The following CTNNA3 variants were observed in gnomAD, a reference collection of about 807,000 sequenced individuals.
CTNNA3 encodes catenin alpha 3.
Under a neutral mutation model 95.7 loss-of-function variants are expected in CTNNA3, and 76 were observed. That is an observed-to-expected ratio of 0.79 (90% CI 0.66 to 0.96). The LOEUF is 0.96. Ranked by LOEUF, CTNNA3 falls within the 40% of genes least tolerant of loss-of-function variation. The probability of loss-of-function intolerance (pLI) is 0.00; values close to 1 mark genes in which losing one functional copy is unlikely to be tolerated. For missense variants in CTNNA3, 1,191 were observed against 1,089.8 expected, an observed-to-expected ratio of 1.09 and a Z score of -1.31; for synonymous variants, 431 against 374.4, an observed-to-expected ratio of 1.15 and a Z score of -1.74.
intron 11 of CTNNA3, among the ~76,000 whole-genome samples, chr10:66,495,449 A>G (rs1033455758): frequency 4.0e-5 from 6 of 151,670 alleles, no homozygotes; most frequent in African/African-American, 4.9e-5. Context: ...TGGCTAAGGG[A>G]AAAAAAAATT....
At chr10:66,067,627 A>G (rs1282050912) in intron 15 of CTNNA3, among the ~76,000 whole-genome samples, 1 of 151,942 alleles carries the variant, frequency 6.6e-6, no homozygotes, top group Non-Finnish European at 1.5e-5. Context: ...CCTTTATTCA[A>G]AAAAGTTTGG....
intron 10 of CTNNA3, among the ~76,000 whole-genome samples, chr10:66,595,334 A>T (rs916917740): frequency 8.3e-4 from 29 of 34,870 alleles, no homozygotes; most frequent in African/African-American, 5.5e-3. Flanking sequence ...GATCTTATTT[A>T]TTATTATTAT....
At chr10:66,909,604 T>A (rs909620124) in intron 7 of CTNNA3, among the ~76,000 whole-genome samples, 1 of 152,058 alleles carries the variant, frequency 6.6e-6, no homozygotes, top group Non-Finnish European at 1.5e-5. Flanking sequence ...AACCAATTAC[T>A]CAGATTGGAA....
chr10:67,148,575 C>A (rs1860945348), intron 7 of CTNNA3, among the ~76,000 whole-genome samples: 1 of 152,166 alleles, frequency 6.6e-6, no homozygotes, highest in South Asian at 2.1e-4. Context: ...GTAATTCCTT[C>A]TTCAGAAAAA....
chr10:66,780,598 C>T (rs1379032815), intron 7 of CTNNA3, among the ~76,000 whole-genome samples: 2 of 152,154 alleles, frequency 1.3e-5, no homozygotes, highest in Non-Finnish European at 2.9e-5. Context: ...TGCTGAAGGG[C>T]TCATAAAGAG....
At chr10:67,462,630 G>A (rs75582608) in intron 5 of CTNNA3, among the ~76,000 whole-genome samples, 2,638 of 152,228 alleles carry the variant, frequency 0.017, 85 homozygotes, top group African/African-American at 0.058. Flanking sequence ...CCAATCTATT[G>A]TGACTAGAAT....
intron 9 of CTNNA3, among the ~76,000 whole-genome samples, chr10:66,746,698 A>T (rs1452917960): frequency 6.6e-6 from 1 of 152,158 alleles, no homozygotes; most frequent in East Asian, 1.9e-4. Context: ...CTCTACACAA[A>T]AATTGTGGTA....
At chr10:66,967,742 G>A (rs1462865742) in intron 7 of CTNNA3, among the ~76,000 whole-genome samples, 1 of 152,004 alleles carries the variant, frequency 6.6e-6, no homozygotes, top group Non-Finnish European at 1.5e-5. Context: ...ATAAAGATAA[G>A]AGTGCCAGTG....
At chr10:65,941,705 T>C (rs190892465) in intron 17 of CTNNA3, among the ~76,000 whole-genome samples, 259 of 152,290 alleles carry the variant, frequency 1.7e-3, no homozygotes, top group African/African-American at 5.8e-3. Flanking sequence ...ATTTCATATT[T>C]AGTATCTTGA....
Position 67,276,786 on chromosome 10 carries a change from A to G in CTNNA3, c.580-56916T>C, listed in dbSNP as rs112522596. Among the ~76,000 whole-genome samples, 1,093 of 152,202 alleles carry G rather than the reference A, an allele frequency of 7.2e-3. 7 individuals carry two copies. The highest frequency in any genetic ancestry group is 0.018 in the South Asian group (89 of 4,826). On this transcript the variant is annotated intron_variant, in intron 5 of 17. Transcript: ENST00000433211. ...ACTGAAGTTGGGTGTTAGGGACACA[A>G]AGGTTCATTACATTATTTTTTCTAC...
At chr10:66,479,615 T>C (rs1839445271) in intron 11 of CTNNA3, among the ~76,000 whole-genome samples, 2 of 152,174 alleles carry the variant, frequency 1.3e-5, no homozygotes, top group Admixed American at 6.5e-5. Context: ...CTTTCAAAAG[T>C]GTATTAAAAT....
At chr10:67,698,257 A>AGAG (rs1482283300), upstream of CTNNA3, among the ~76,000 whole-genome samples, 4 of 139,626 alleles carry the variant, frequency 2.9e-5, no homozygotes, top group East Asian at 6.9e-4. Flanking sequence ...AAAAGAGAGA[A>AGAG]AAAAGAGAGA....
intron 10 of CTNNA3, among the ~76,000 whole-genome samples, chr10:66,574,349 T>C (rs935814970): frequency 6.6e-6 from 1 of 151,786 alleles, no homozygotes; most frequent in African/African-American, 2.4e-5. Context: ...TCCAGAAAGA[T>C]ATGAAAGGTG....
chr10:66,410,429 T>C (rs1401959033), intron 11 of CTNNA3, among the ~76,000 whole-genome samples: 3 of 152,112 alleles, frequency 2.0e-5, no homozygotes, highest in Non-Finnish European at 2.9e-5. Context: ...TGCAACCCAG[T>C]ACCAAATAAA....
rs534719666 is a variant in CTNNA3 at position 67,152,260 on chromosome 10, A to G, written c.1047+28057T>C. Among the ~76,000 whole-genome samples the G allele has an allele frequency of 9.2e-5, 14 of 152,306 alleles. No individual in the cohort carries two copies. The East Asian group carries it at 2.3e-3, about 25-fold the overall frequency. On this transcript the variant is annotated intron_variant, in intron 7 of 17. Coordinates refer to ENST00000433211, the MANE Select transcript of CTNNA3 (RefSeq NM_013266.4). ...ACTCACTGAAAGATCAGGTCTTCATATCATCAAGTTTGAAAAATATTGAAC... is the reference window on the plus strand; with the variant it reads ...ACTCACTGAAAGATCAGGTCTTCATGTCATCAAGTTTGAAAAATATTGAAC...
intron 9 of CTNNA3, among the ~76,000 whole-genome samples, chr10:66,722,997 T>C (rs1048589553): frequency 6.6e-6 from 1 of 152,174 alleles, no homozygotes; most frequent in Admixed American, 6.5e-5. Flanking sequence ...AAATGAAGTC[T>C]TTTCTGCTCT....
chr10:65,936,669 T>C (rs528580437), intron 17 of CTNNA3, among the ~76,000 whole-genome samples: 7 of 152,198 alleles, frequency 4.6e-5, no homozygotes, highest in Non-Finnish European at 8.8e-5. Context: ...AGCATAATGA[T>C]TAAAAGTGAT....
At chr10:67,158,904 G>A (rs1432455322) in intron 7 of CTNNA3, among the ~76,000 whole-genome samples, 1 of 151,722 alleles carries the variant, frequency 6.6e-6, no homozygotes, top group Non-Finnish European at 1.5e-5. Flanking sequence ...AGCCTCAAAG[G>A]GGGGAAAGGA....
At chr10:65,930,219 A>AAAAAAAAAAAAAAAAAAAC (rs1564522076) in intron 17 of CTNNA3, among the ~76,000 whole-genome samples, 1 of 147,220 alleles carries the variant, frequency 6.8e-6, no homozygotes. Context: ...AAAAAAAAAA[A>AAAAAAAAAAAAAAAAAAAC]AAAAAAACAG....
Sources: allele counts gnomAD v4.1 joint callset (sites outside exome capture counted in the v4.1 genomes callset), GRCh38; gene constraint gnomAD v4.1.1; transcripts MANE v1.5; gene names NCBI Gene and HGNC (gene_info 2026-07-23, HGNC 2026-07-21).